UBE3D: variants seen among roughly 807,000 people sequenced by gnomAD.
UBE3D encodes the protein E3 ubiquitin-protein ligase E3D.
UBE3D carries 48 observed loss-of-function variants against 49.6 expected under a neutral mutation model. The observed-to-expected ratio is 0.97, with a 90% CI of 0.77 to 1.23. UBE3D has a LOEUF of 1.23. UBE3D is among the 50% of genes most tolerant of loss of function. The probability of loss-of-function intolerance (pLI) is 0.00; values close to 1 mark genes in which losing one functional copy is unlikely to be tolerated. For synonymous variants in UBE3D, 189 were observed against 174.2 expected, an observed-to-expected ratio of 1.08 and a Z score of -0.67; for missense variants, 452 against 468.4, an observed-to-expected ratio of 0.96 and a Z score of 0.32.
At chr6:83,028,364 A>C (rs1246415833) in intron 5 of UBE3D, among the ~76,000 whole-genome samples, 2 of 152,164 alleles carry the variant, frequency 1.3e-5, no homozygotes, top group African/African-American at 4.8e-5. Context: ...ATTTCCTTAC[A>C]AAGGTGATTT....
At chr6:83,027,466 C>T (rs965939457) in intron 5 of UBE3D, among the ~76,000 whole-genome samples, 3 of 46,778 alleles carry the variant, frequency 6.4e-5, no homozygotes, top group Non-Finnish European at 9.9e-5. Flanking sequence ...AAAAAAGAAA[C>T]CACTAGTATT....
chr6:83,008,158 C>T (rs543074884), intron 8 of UBE3D, among the ~76,000 whole-genome samples: 35 of 152,174 alleles, frequency 2.3e-4, no homozygotes, highest in Admixed American at 2.2e-3. Flanking sequence ...TTGTTGTGTA[C>T]TGTAGGATGC....
intron 8 of UBE3D, among the ~76,000 whole-genome samples, chr6:83,002,918 C>T (rs1479463104): frequency 1.3e-5 from 2 of 152,174 alleles, no homozygotes; most frequent in Non-Finnish European, 2.9e-5. Context: ...TATAGCGGCA[C>T]AACAGACTAA....
At chr6:83,040,591 C>T (rs1030302098) in intron 4 of UBE3D, among the ~76,000 whole-genome samples, 1 of 152,162 alleles carries the variant, frequency 6.6e-6, no homozygotes, top group African/African-American at 2.4e-5. Context: ...ACTGAATTAA[C>T]CTTCAGTAAC....
intron 4 of UBE3D, among the ~76,000 whole-genome samples, chr6:83,042,938 G>T (rs570319444): frequency 6.6e-6 from 1 of 152,324 alleles, no homozygotes; most frequent in South Asian, 2.1e-4. Flanking sequence ...TCTTTGGACT[G>T]CTACAATATA....
At chr6:83,052,764 G>A (rs1421318830) in intron 3 of UBE3D, among the ~76,000 whole-genome samples, 1 of 152,152 alleles carries the variant, frequency 6.6e-6, no homozygotes. Flanking sequence ...AATTTATATT[G>A]GAGAAATGGG....
At chr6:83,050,457 A>C (rs2127834222) in intron 3 of UBE3D, among the ~76,000 whole-genome samples, 1 of 152,300 alleles carries the variant, frequency 6.6e-6, no homozygotes, top group Admixed American at 6.5e-5. Context: ...CCAGATAATA[A>C]GACTAGCCAG....
intron 9 of UBE3D, among the ~76,000 whole-genome samples, chr6:82,907,572 C>T (rs1772192061): frequency 6.6e-6 from 1 of 152,026 alleles, no homozygotes. Flanking sequence ...AGATCCTTCA[C>T]AAGAGAAGAT....
intron 9 of UBE3D, among the ~76,000 whole-genome samples, chr6:82,909,869 T>C (rs1304922195): frequency 2.0e-5 from 3 of 152,142 alleles, no homozygotes; most frequent in Admixed American, 2.0e-4. Flanking sequence ...GGGAATGAAA[T>C]TGGATGCGAT....
chr6:82,976,840 C>T (rs953340596), intron 8 of UBE3D, among the ~76,000 whole-genome samples: 2 of 152,106 alleles, frequency 1.3e-5, no homozygotes, highest in African/African-American at 4.8e-5. Flanking sequence ...GTAGGCCGGG[C>T]ACAGTGGCTC....
the UBE3D span, among the ~76,000 whole-genome samples, chr6:82,881,194 G>A: frequency 2.0e-5 from 3 of 152,178 alleles, no homozygotes; most frequent in Non-Finnish European, 4.4e-5. Context: ...AGGGAGCTAT[G>A]AAGTTTGGAG....
intron 9 of UBE3D, among the ~76,000 whole-genome samples, chr6:82,933,854 C>G (rs146760880): frequency 6.6e-6 from 1 of 152,234 alleles, no homozygotes; most frequent in East Asian, 1.9e-4. Flanking sequence ...CTTCCATGGA[C>G]CAGAAGCACA....
chr6:83,040,210 C>G (rs1434604904), intron 4 of UBE3D, among the ~76,000 whole-genome samples: 1 of 151,912 alleles, frequency 6.6e-6, no homozygotes, highest in Non-Finnish European at 1.5e-5. Context: ...TGGTGAAACC[C>G]CTGTCTCTAC....
chr6:82,955,885 A>G (rs757900970), intron 9 of UBE3D, among the ~76,000 whole-genome samples: 2 of 152,184 alleles, frequency 1.3e-5, no homozygotes, highest in Non-Finnish European at 2.9e-5. Context: ...CAAAATGAGA[A>G]GATGTTCTTT....
At chr6:83,007,413 A>G (rs1250422976) in intron 8 of UBE3D, among the ~76,000 whole-genome samples, 1 of 152,206 alleles carries the variant, frequency 6.6e-6, no homozygotes, top group East Asian at 1.9e-4. Context: ...ATTCAATTTT[A>G]GCTTAAATAA....
chr6:82,967,605 G>A (rs1211474405), intron 8 of UBE3D, among the ~76,000 whole-genome samples: 2 of 151,716 alleles, frequency 1.3e-5, no homozygotes, highest in East Asian at 1.9e-4. Context: ...TAATTCCCTC[G>A]GGATTCATCC....
chr6:82,963,502 A>G (rs541210588), intron 8 of UBE3D, among the ~76,000 whole-genome samples: 59 of 152,336 alleles, frequency 3.9e-4, no homozygotes, highest in African/African-American at 1.4e-3. Flanking sequence ...CAAGCTGAGG[A>G]GCAAGGAAAC....
At chr6:82,904,853 A>G (rs891261127) in intron 9 of UBE3D, among the ~76,000 whole-genome samples, 9 of 152,184 alleles carry the variant, frequency 5.9e-5, no homozygotes, top group African/African-American at 1.4e-4. Flanking sequence ...GCATCTGAAG[A>G]AGAAACTATA....
At chr6:82,990,280 CTTTTT>C (rs796201280) in intron 8 of UBE3D, among the ~76,000 whole-genome samples, 4 of 152,020 alleles carry the variant, frequency 2.6e-5, no homozygotes, top group Admixed American at 2.6e-4. Context: ...ATTGCCTTTC[CTTTTT>C]TTATTTTTTT....
Sources: gnomAD v4.1 joint callset for allele counts (sites outside exome capture counted in the v4.1 genomes callset) on GRCh38, gnomAD v4.1.1 for gene constraint, MANE v1.5 for transcripts, NCBI Gene and HGNC (gene_info 2026-07-23, HGNC 2026-07-21) for gene names.